IQCM: variants seen among roughly 807,000 people sequenced by gnomAD.
The protein encoded by IQCM is IQ motif containing M, also known as IQ domain-containing protein M.
Under a neutral mutation model 57.6 loss-of-function variants are expected in IQCM, and 45 were observed. The observed-to-expected ratio is 0.78, with a 90% CI of 0.62 to 1.00. The LOEUF is 1.00. Among genes scored for constraint, IQCM ranks in the 50% least tolerant of loss-of-function variants. IQCM has a pLI of 0.00. For missense variants in IQCM, 468 were observed against 511.6 expected (o/e 0.91, Z 0.82); for synonymous variants, 148 against 158.9 (o/e 0.93, Z 0.51).
chr4:149,541,934 C>T (rs1560969525), intron 12 of IQCM, among the ~76,000 whole-genome samples: 1 of 151,994 alleles, frequency 6.6e-6, no homozygotes, highest in Non-Finnish European at 1.5e-5. Context: ...CTATTATACA[C>T]AATCAAAGAA....
At chr4:149,583,422 C>T (rs1752384405) in intron 9 of IQCM, among the ~76,000 whole-genome samples, 1 of 151,474 alleles carries the variant, frequency 6.6e-6, no homozygotes, top group African/African-American at 2.4e-5. Flanking sequence ...CAATAGAATG[C>T]TTTTCCTCTA....
chr4:149,409,644 C>T (rs1033117117), intron 13 of IQCM, among the ~76,000 whole-genome samples: 18 of 152,274 alleles, frequency 1.2e-4, no homozygotes, highest in East Asian at 1.2e-3. Context: ...TGTGTGCAAA[C>T]GCTTCTGAAC....
chr4:149,770,499 T>C (rs761377875), intron 2 of IQCM, among the ~76,000 whole-genome samples: 6 of 152,038 alleles, frequency 3.9e-5, no homozygotes, highest in Non-Finnish European at 8.8e-5. Flanking sequence ...AAACAAAACC[T>C]ATGGACGATA....
intron 7 of IQCM, among the ~76,000 whole-genome samples, chr4:149,636,677 C>G (rs527296163): frequency 2.4e-4 from 36 of 152,174 alleles, no homozygotes; most frequent in African/African-American, 7.9e-4. Flanking sequence ...GGTCTATAAT[C>G]ACTGCTTCTA....
intron 12 of IQCM, among the ~76,000 whole-genome samples, chr4:149,527,763 C>A (rs560205254): frequency 6.6e-6 from 1 of 152,186 alleles, no homozygotes; most frequent in South Asian, 2.1e-4. Context: ...TCACTCAAGT[C>A]TTTTTGCTTC....
intron 13 of IQCM, among the ~76,000 whole-genome samples, chr4:149,357,741 A>C (rs1022837215): frequency 1.3e-5 from 2 of 152,190 alleles, no homozygotes; most frequent in African/African-American, 4.8e-5. Context: ...CTTTGGTATC[A>C]GGATGATGTT....
chr4:149,413,695 G>GC (rs1444969818), intron 13 of IQCM, among the ~76,000 whole-genome samples: 2 of 152,110 alleles, frequency 1.3e-5, no homozygotes, highest in Non-Finnish European at 2.9e-5. Context: ...ATGTTTCTCT[G>GC]TTTTTGAAAT....
chr4:149,473,269 A>G (rs1206447738), intron 12 of IQCM, among the ~76,000 whole-genome samples: 1 of 152,226 alleles, frequency 6.6e-6, no homozygotes, highest in African/African-American at 2.4e-5. Context: ...ACTTAAACAA[A>G]TTTACAAGAA....
At chr4:149,417,574 T>C (rs553469780) in intron 13 of IQCM, among the ~76,000 whole-genome samples, 5 of 152,100 alleles carry the variant, frequency 3.3e-5, no homozygotes, top group Non-Finnish European at 7.4e-5. Flanking sequence ...ATTAGAAACA[T>C]AATTCATTAT....
At chr4:149,452,648 A>G (rs1034187064) in intron 12 of IQCM, among the ~76,000 whole-genome samples, 3 of 151,680 alleles carry the variant, frequency 2.0e-5, no homozygotes, top group South Asian at 2.1e-4. Flanking sequence ...CATATTGTGC[A>G]TAAGTGTATA....
At chr4:149,665,113 T>A (rs569021603) in intron 7 of IQCM, among the ~76,000 whole-genome samples, 1 of 152,090 alleles carries the variant, frequency 6.6e-6, no homozygotes, top group Admixed American at 6.5e-5. Flanking sequence ...ATGGAAAGAG[T>A]CAGTGGCTAC....
At chr4:149,398,839 T>C (rs1348174974) in intron 13 of IQCM, among the ~76,000 whole-genome samples, 1 of 152,076 alleles carries the variant, frequency 6.6e-6, no homozygotes, top group African/African-American at 2.4e-5. Flanking sequence ...CCTGAGCAGC[T>C]GGGACTACAG....
chr4:149,480,595 T>G (rs939359847), intron 12 of IQCM, among the ~76,000 whole-genome samples: 1 of 152,204 alleles, frequency 6.6e-6, no homozygotes, highest in Non-Finnish European at 1.5e-5. Context: ...AGGATCTCAT[T>G]CTTTCTTATA....
intron 2 of IQCM, among the ~76,000 whole-genome samples, chr4:149,783,928 T>C (rs1273324871): frequency 6.6e-6 from 1 of 152,140 alleles, no homozygotes; most frequent in Non-Finnish European, 1.5e-5. Flanking sequence ...GCAATATGAA[T>C]GAGCATGGAA....
At chr4:149,694,629 T>C (rs1414911370) in intron 5 of IQCM, among the ~76,000 whole-genome samples, 1 of 152,162 alleles carries the variant, frequency 6.6e-6, no homozygotes, top group African/African-American at 2.4e-5. Flanking sequence ...ACCAATGTAT[T>C]ACTGGAAACT....
chr4:149,738,089 T>C (rs1369077831), intron 3 of IQCM, among the ~76,000 whole-genome samples: 1 of 152,176 alleles, frequency 6.6e-6, no homozygotes, highest in Non-Finnish European at 1.5e-5. Context: ...GTTCTAGTCT[T>C]CATTTATAGG....
intron 13 of IQCM, among the ~76,000 whole-genome samples, chr4:149,417,155 A>G (rs147255105): frequency 1.1e-3 from 169 of 152,302 alleles, no homozygotes; most frequent in African/African-American, 3.9e-3. Flanking sequence ...GAAGAGATTA[A>G]TCAAAACTCA....
At chr4:149,361,981 G>C (rs770061474) in intron 13 of IQCM, among the ~76,000 whole-genome samples, 37 of 152,136 alleles carry the variant, frequency 2.4e-4, no homozygotes, top group Non-Finnish European at 4.3e-4. Flanking sequence ...CACAGGGATG[G>C]AGCTGCCCAA....
In IQCM at chr4:149,636,215, A is replaced by G. The variant is rs540337241; in HGVS notation, c.566-14971T>C. Reference sequence around the variant, plus strand: ...CTCCACAGAGATGGAACACAATACTATAATACCTTGGGCAGACCAAAGAGG... The same window carrying G: ...CTCCACAGAGATGGAACACAATACTGTAATACCTTGGGCAGACCAAAGAGG... On this transcript the variant is annotated intron_variant, in intron 7 of 13. Transcript: ENST00000636793. Among the ~76,000 whole-genome samples, 8 of 152,338 alleles carry G rather than the reference A, an allele frequency of 5.3e-5. No homozygotes were observed. The South Asian group carries it at 1.4e-3, about 28-fold the overall frequency.
Sources: allele counts gnomAD v4.1 joint callset (sites outside exome capture counted in the v4.1 genomes callset), GRCh38; gene constraint gnomAD v4.1.1; transcripts MANE v1.5; gene names NCBI Gene and HGNC (gene_info 2026-07-23, HGNC 2026-07-21).